The following EIF2AK4 variants were observed in gnomAD, a reference collection of about 807,000 sequenced individuals.
EIF2AK4 encodes the protein eIF-2-alpha kinase GCN2.
EIF2AK4 carries 139 observed loss-of-function variants against 211.1 expected under a neutral mutation model. That is an observed-to-expected ratio of 0.66 (90% CI 0.57 to 0.76). EIF2AK4 has a LOEUF of 0.76. Among genes scored for constraint, EIF2AK4 ranks in the 30% least tolerant of loss-of-function variants. EIF2AK4 has a pLI of 0.00. For synonymous variants in EIF2AK4, 710 were observed against 751.3 expected, an observed-to-expected ratio of 0.94 and a Z score of 0.90; for missense variants, 1,664 against 2,043.8, an observed-to-expected ratio of 0.81 and a Z score of 3.58.
chr15:39,989,934 G>A (rs1481723250), intron 15 of EIF2AK4, among the ~76,000 whole-genome samples: 3 of 152,314 alleles, frequency 2.0e-5, no homozygotes, highest in Non-Finnish European at 4.4e-5. Context: ...AGGAATAGAA[G>A]AAGGAATAAA....
intron 20 of EIF2AK4, among the ~76,000 whole-genome samples, chr15:40,000,645 A>G (rs1566999990): frequency 6.6e-6 from 1 of 152,124 alleles, no homozygotes; most frequent in African/African-American, 2.4e-5. Flanking sequence ...ATGTAAAGCT[A>G]TTTGTTTTAT....
intron 1 of EIF2AK4, among the ~76,000 whole-genome samples, chr15:39,937,119 A>G (rs2034076356): frequency 6.6e-6 from 1 of 152,228 alleles, no homozygotes; most frequent in African/African-American, 2.4e-5. Context: ...GTTACAAATT[A>G]CTAACTTATT....
At chr15:39,974,701 A>AC (rs2034670265) in intron 11 of EIF2AK4, 2 of 152,200 alleles carry the variant, frequency 1.3e-5, no homozygotes, top group African/African-American at 4.8e-5. Flanking sequence ...GAATAGTAAC[A>AC]AATTTCATCT....
intron 23 of EIF2AK4, among the ~76,000 whole-genome samples, chr15:40,004,090 A>T (rs2035127989): frequency 1.3e-5 from 2 of 152,250 alleles, no homozygotes; most frequent in Admixed American, 6.5e-5. Context: ...AAACATTTTT[A>T]AATTAATGTT....
chr15:39,949,930 T>A (rs893923217), intron 4 of EIF2AK4, among the ~76,000 whole-genome samples: 1 of 152,012 alleles, frequency 6.6e-6, no homozygotes. Context: ...CATAAAGATA[T>A]AAACTCTTGT....
intron 1 of EIF2AK4, among the ~76,000 whole-genome samples, chr15:39,935,215 T>C (rs1228631041): frequency 6.6e-6 from 1 of 152,242 alleles, no homozygotes; most frequent in Non-Finnish European, 1.5e-5. Context: ...TGTCTGGAAA[T>C]TAAGGCACGT....
intron 10 of EIF2AK4, 139 bp from the exon 11 acceptor site, chr15:39,973,453 A>T (rs899276036): frequency 3.7e-5 from 33 of 888,166 alleles, no homozygotes; most frequent in Non-Finnish European, 5.3e-5. Context: ...GAAAAGTTTT[A>T]AAAGGCCACT....
chr15:40,020,081 C>T (rs1003311591), intron 30 of EIF2AK4, among the ~76,000 whole-genome samples: 2 of 150,440 alleles, frequency 1.3e-5, no homozygotes, highest in African/African-American at 4.9e-5. Context: ...GTGGGAGAAT[C>T]GTTTGAACCC....
intron 1 of EIF2AK4, among the ~76,000 whole-genome samples, chr15:39,936,649 G>A (rs947417681): frequency 1.3e-5 from 2 of 152,080 alleles, no homozygotes; most frequent in Admixed American, 1.3e-4. Context: ...CTGACCTCAA[G>A]TCCTCCCGCC....
chr15:40,011,430 G>T, intron 27 of EIF2AK4, 84 bp downstream of exon 27: 3 of 1,240,048 alleles, frequency 2.4e-6, no homozygotes, highest in Non-Finnish European at 3.4e-6. Flanking sequence ...CGTTGCAGTA[G>T]GGTAGCAGCC....
intron 26 of EIF2AK4, among the ~76,000 whole-genome samples, chr15:40,010,195 G>C (rs181514281): frequency 6.6e-6 from 1 of 152,344 alleles, no homozygotes; most frequent in East Asian, 1.9e-4. Flanking sequence ...TCTCACACCA[G>C]TGCTGCTATT....
intron 5 of EIF2AK4, 70 bp downstream of exon 5, chr15:39,954,054 A>C: frequency 7.8e-7 from 1 of 1,277,166 alleles, no homozygotes; most frequent in African/African-American, 1.5e-5. Flanking sequence ...CACTGATGAC[A>C]TCTGTGTTAC....
intron 3 of EIF2AK4, among the ~76,000 whole-genome samples, chr15:39,945,012 G>A (rs1347252616): frequency 6.6e-6 from 1 of 151,778 alleles, no homozygotes; most frequent in Admixed American, 6.6e-5. Flanking sequence ...ACTAGGCCTT[G>A]GAAATGATTC....
chr15:39,937,603 G>T (rs2034084315), intron 1 of EIF2AK4, among the ~76,000 whole-genome samples: 1 of 151,828 alleles, frequency 6.6e-6, no homozygotes, highest in African/African-American at 2.4e-5. Context: ...TATGGTCCCT[G>T]TGGGTTTTTT....
At chr15:40,029,805 G>A (rs932796366) in intron 34 of EIF2AK4, among the ~76,000 whole-genome samples, 3 of 152,176 alleles carry the variant, frequency 2.0e-5, no homozygotes, top group African/African-American at 7.2e-5. Flanking sequence ...ATCCCTTGAA[G>A]AAGGACACTA....
chr15:40,015,709 A>G (rs545252232), intron 27 of EIF2AK4, among the ~76,000 whole-genome samples: 7 of 152,360 alleles, frequency 4.6e-5, no homozygotes, highest in South Asian at 2.1e-4. Flanking sequence ...AGCTATGTCA[A>G]TCTGAGCCTT....
At chr15:39,962,530 C>T (rs988125542) in intron 7 of EIF2AK4, among the ~76,000 whole-genome samples, 1 of 152,154 alleles carries the variant, frequency 6.6e-6, no homozygotes, top group Non-Finnish European at 1.5e-5. Flanking sequence ...ACAATCATAG[C>T]TCACTGTAAC....
At chr15:39,972,365 G>C (rs562558215) in intron 9 of EIF2AK4, among the ~76,000 whole-genome samples, 1 of 139,366 alleles carries the variant, frequency 7.2e-6, no homozygotes, top group African/African-American at 2.6e-5. Context: ...AAAAAAAAAA[G>C]CATAAACCAA....
chr15:39,992,741 C>T (rs761116017), intron 17 of EIF2AK4, 28 bp from the exon 18 acceptor site: 38 of 1,599,076 alleles, frequency 2.4e-5, no homozygotes, highest in South Asian at 1.8e-4. Context: ...ATTATTGGGA[C>T]GTTTTCCCTC....
Sources: allele counts gnomAD v4.1 joint callset (sites outside exome capture counted in the v4.1 genomes callset), GRCh38; gene constraint gnomAD v4.1.1; transcripts MANE v1.5; gene names NCBI Gene and HGNC (gene_info 2026-07-23, HGNC 2026-07-21).